The following STIL variants were observed in gnomAD, a reference collection of about 807,000 sequenced individuals.
STIL encodes the protein SCL-interrupting locus protein.
Under a neutral mutation model 110.1 loss-of-function variants are expected in STIL, and 55 were observed. The observed-to-expected ratio is 0.50, with a 90% confidence interval of 0.40 to 0.63. The LOEUF is 0.63. Ranked by LOEUF, STIL falls within the 20% of genes least tolerant of loss-of-function variation. The pLI, the probability that STIL is intolerant of heterozygous loss-of-function variation, is 0.00. For synonymous variants in STIL, 481 were observed against 530.0 expected, an observed-to-expected ratio of 0.91 and a Z score of 1.27; for missense variants, 1,358 against 1,530.0, an observed-to-expected ratio of 0.89 and a Z score of 1.87.
rs1306143166 is a variant in STIL at position 47,265,786 on chromosome 1, A to G, written c.2616-2670T>C. ...GGATGACAGAGCAAGACTGTCTCAA[A>G]AAAAAAAAAAAAAAAAAAAAGAAAC... is the stretch of plus-strand genomic sequence containing the variant. On this transcript the variant is annotated intron_variant, in intron 14 of 16. Transcript: ENST00000371877. 2.5e-3 allele frequency among the ~76,000 whole-genome samples: 366 copies of G among 147,986 alleles called. 1 individual carries two copies. Among genetic ancestry groups the G allele is most frequent in the African/African-American group, 8.7e-3 (351 of 40,554 alleles).
At position 47,250,387 on chromosome 1, in the gene STIL, A is replaced by G. The variant is rs1404884786; in HGVS notation, c.*749T>C. 5.8e-6 allele frequency: 1 copy of G among 173,308 alleles called. No homozygotes were observed. Among genetic ancestry groups the G allele is most frequent in the African/African-American group, 2.4e-5 (1 of 42,130 alleles). The allele number at this position is 173,308 out of a possible 1,614,324, so 10.7% of individuals were successfully genotyped here. Reference sequence around the variant, plus strand: ...CTTGTATAAAAGAGTGTAAGTTTTTATTAAGTTGTTTTTAAAAATAACTTT... The same window carrying G: ...CTTGTATAAAAGAGTGTAAGTTTTTGTTAAGTTGTTTTTAAAAATAACTTT... On this transcript the variant is annotated 3_prime_UTR_variant, in exon 17 of 17. Coordinates refer to ENST00000371877, the MANE Select transcript of STIL (RefSeq NM_001048166.1).
intron 10 of STIL, among the ~76,000 whole-genome samples, chr1:47,286,370 A>G (rs1192245390): frequency 6.6e-6 from 1 of 151,936 alleles, no homozygotes; most frequent in African/African-American, 2.4e-5. Context: ...GAGGAGAGGA[A>G]CTTTAAAAAA....
chr1:47,281,341 A>G, intron 11 of STIL, 132 bp from the exon 12 acceptor site: 1 of 999,738 alleles, frequency 1.0e-6, no homozygotes, highest in Non-Finnish European at 1.4e-6. Context: ...TATTTAGACC[A>G]TCAGTTAATT....
At chr1:47,281,325 ATTCT>A (rs2148980360) in intron 11 of STIL, 116 bp from the exon 12 acceptor site, 3 of 1,088,422 alleles carry the variant, frequency 2.8e-6, no homozygotes, top group East Asian at 5.2e-5. Flanking sequence ...ACAAGTGTTC[ATTCT>A]TTATTTAGAC....
At chr1:47,281,239 AG>A in intron 11 of STIL, 30 bp from the exon 12 acceptor site, 1 of 1,598,776 alleles carries the variant, frequency 6.3e-7, no homozygotes, top group Non-Finnish European at 8.5e-7. Flanking sequence ...AGAAAAAAAA[AG>A]TATTTTTTTG....
chr1:47,251,847 G>A lies in STIL; in HGVS notation c.3156C>T (p.Ser1052=), dbSNP rs113337758. Residue 1052 remains serine, a synonymous_variant, in exon 17 of 17, where the codon AGC becomes AGT. Transcript: ENST00000371877. ...AATCCACACCATTGGGGCTTAAGCCGCTCATGCCAACATTAGCAAATGACA... is the reference window on the plus strand; with the variant it reads ...AATCCACACCATTGGGGCTTAAGCCACTCATGCCAACATTAGCAAATGACA... ...NCMSFANVGM[S]GLSPNGVDLS... is the part of the protein sequence containing the mutation. 337 of 1,607,536 alleles carry A rather than the reference G, an allele frequency of 2.1e-4. No homozygotes were observed. The highest frequency in any genetic ancestry group is 1.0e-3 in the African/African-American group (75 of 74,816).
Position 47,304,898 on chromosome 1 carries a change from C to T in STIL, c.143G>A (p.Ser48Asn). 6.2e-7 allele frequency: 1 copy of T among 1,609,960 alleles called. No individual in the cohort carries two copies. Among genetic ancestry groups the T allele is most frequent in the Non-Finnish European group, 8.5e-7 (1 of 1,176,346 alleles). ...PTGDFIYLHL[S>N]YYRNPKLVVT... is the part of the protein sequence containing the mutation. ...AAGAAACATGTTATACCTGTAGTAA[C>T]TGAGATGTAAGTAGATGAAATCTCC... The change falls in exon 3 of 17, where the codon AGT becomes AAT. Residue 48 changes from serine to asparagine, a missense_variant. Ser to Asn is a conservative substitution (Grantham distance 46). Transcript: ENST00000371877.
intron 10 of STIL, among the ~76,000 whole-genome samples, chr1:47,285,718 C>CA (rs34269088): frequency 6.6e-6 from 1 of 152,016 alleles, no homozygotes; most frequent in Non-Finnish European, 1.5e-5. Context: ...TTCTGCCTCC[C>CA]AAAGTGCTGG....
rs1490049703 is a variant in STIL at position 47,251,461 on chromosome 1, C to G, written c.3542G>C (p.Cys1181Ser). ...GGTCCCCACAGATTCACAGTTAGAA[C>G]AATTAATTATTTCATGGTCATTCTT... is the stretch of plus-strand genomic sequence containing the variant. ...PSKNDHEIIN[C>S]SNCESVGTNA... The change falls in exon 17 of 17, where the codon TGT (cysteine) becomes TCT (serine). Residue 1181 changes from cysteine to serine, a missense_variant. By Grantham distance (112) the Cys-to-Ser change is moderately radical. Coordinates refer to ENST00000371877, the MANE Select transcript of STIL (RefSeq NM_001048166.1). The G allele has an allele frequency of 1.2e-6, 2 of 1,614,190 alleles. No individual in the cohort carries two copies. The highest frequency in any genetic ancestry group is 2.7e-5 in the African/African-American group (2 of 75,044).
At chr1:47,291,129 G>A (rs1186552593) in intron 8 of STIL, among the ~76,000 whole-genome samples, 1 of 152,200 alleles carries the variant, frequency 6.6e-6, no homozygotes, top group Non-Finnish European at 1.5e-5. Context: ...GGAGGCCAAG[G>A]CAGGCAGATC....
intron 8 of STIL, among the ~76,000 whole-genome samples, chr1:47,290,143 A>T (rs1454781595): frequency 6.6e-6 from 1 of 152,206 alleles, no homozygotes; most frequent in African/African-American, 2.4e-5. Context: ...ACAAAATGTT[A>T]AAAGTAGAAC....
rs750749817 is a variant in STIL, at chr1:47,272,247, T to C, written c.2218-6A>G. ...GCTTCCAACAAACGCTGAATCTGTA[T>C]CAATTAAAAACATACTTTAAACTGA... On this transcript the variant is annotated splice_polypyrimidine_tract_variant and splice_region_variant and intron_variant, in intron 12 of 16. Coordinates refer to ENST00000371877, the MANE Select transcript of STIL (RefSeq NM_001048166.1). 23 of 1,613,948 alleles carry C rather than the reference T, an allele frequency of 1.4e-5. No homozygotes were observed. The Admixed American group carries it at 2.8e-4, about 20-fold the overall frequency.
intron 10 of STIL, among the ~76,000 whole-genome samples, chr1:47,284,386 C>T (rs530843358): frequency 6.6e-6 from 1 of 152,254 alleles, no homozygotes; most frequent in Admixed American, 6.5e-5. Flanking sequence ...AGCCGGGTTT[C>T]ACTCTATTAC....
At chr1:47,262,798 T>G (rs1644522873) in intron 15 of STIL, 105 bp downstream of exon 15, 2 of 1,039,668 alleles carry the variant, frequency 1.9e-6, no homozygotes, top group South Asian at 1.5e-5. Flanking sequence ...CAAAAAATCT[T>G]TTTATCTTAA....
At chr1:47,280,187 T>G in intron 12 of STIL, 54 bp downstream of exon 12, 1 of 1,612,408 alleles carries the variant, frequency 6.2e-7, no homozygotes, top group South Asian at 1.1e-5. Flanking sequence ...GTGCCAGTTT[T>G]TAAGAAATCT....
At chr1:47,282,870 AATT>A (rs1163702024) in intron 10 of STIL, 2 of 170,786 alleles carry the variant, frequency 1.2e-5, no homozygotes, top group African/African-American at 4.8e-5. Context: ...CCAAATAAGG[AATT>A]ATATTTTCCT....
intron 7 of STIL, among the ~76,000 whole-genome samples, chr1:47,295,167 C>T (rs1645606770): frequency 6.6e-6 from 1 of 152,036 alleles, no homozygotes; most frequent in East Asian, 1.9e-4. Context: ...GAACTCCTGA[C>T]CTCAGGTGAT....
chr1:47,295,431 T>C (rs1645614231), intron 7 of STIL, among the ~76,000 whole-genome samples: 1 of 151,492 alleles, frequency 6.6e-6, no homozygotes, highest in South Asian at 2.1e-4. Context: ...AAAGCAAAAA[T>C]TAGCCAGGCA....
chr1:47,267,811 G>A (rs1470893097), intron 14 of STIL, among the ~76,000 whole-genome samples: 1 of 151,724 alleles, frequency 6.6e-6, no homozygotes, highest in African/African-American at 2.4e-5. Flanking sequence ...CCAGGTTCAG[G>A]CAATTCTCCT....
Sources: gnomAD v4.1 joint callset for allele counts (sites outside exome capture counted in the v4.1 genomes callset) on GRCh38, gnomAD v4.1.1 for gene constraint, MANE v1.5 for transcripts, NCBI Gene and HGNC (gene_info 2026-07-23, HGNC 2026-07-21) for gene names.